Variants in CHRM3 observed in about 807,000 individuals in gnomAD.
CHRM3 encodes cholinergic receptor muscarinic 3, also known as muscarinic acetylcholine receptor M3.
CHRM3 carries 11 observed loss-of-function variants against 41.8 expected under a neutral mutation model. The ratio of observed to expected loss-of-function variants is 0.26; its 90% CI spans 0.17 to 0.44. The LOEUF is 0.44. CHRM3 is among the 20% of genes least tolerant of loss of function. The pLI is 1.00. For synonymous variants in CHRM3, 297 were observed against 301.4 expected, an observed-to-expected ratio of 0.99 and a Z score of 0.15; for missense variants, 571 against 745.4, an observed-to-expected ratio of 0.77 and a Z score of 2.72.
chr1:239,408,628 T>C (rs1660828710), intron 1 of CHRM3, among the ~76,000 whole-genome samples: 1 of 152,006 alleles, frequency 6.6e-6, no homozygotes. Flanking sequence ...AAGACTATGT[T>C]GGCCCAGGAT....
At chr1:239,682,320 G>A (rs1456001315) in intron 5 of CHRM3, among the ~76,000 whole-genome samples, 1 of 152,150 alleles carries the variant, frequency 6.6e-6, no homozygotes, top group Non-Finnish European at 1.5e-5. Flanking sequence ...TTCAGGCAGC[G>A]ATATCCCTTA....
At chr1:239,504,174 A>G (rs1356382984) in intron 2 of CHRM3, among the ~76,000 whole-genome samples, 2 of 152,170 alleles carry the variant, frequency 1.3e-5, no homozygotes, top group Non-Finnish European at 2.9e-5. Flanking sequence ...CAAAGGACTA[A>G]TATCCAGAAT....
intron 1 of CHRM3, among the ~76,000 whole-genome samples, chr1:239,434,765 T>G (rs1451995528): frequency 6.6e-6 from 1 of 151,484 alleles, no homozygotes; most frequent in Non-Finnish European, 1.5e-5. Flanking sequence ...GAGAGAGAGA[T>G]AGAGAGGGAG....
intron 6 of CHRM3, among the ~76,000 whole-genome samples, chr1:239,834,310 C>CT (rs71168857): frequency 0.13 from 15,874 of 118,336 alleles, 1,633 homozygotes; most frequent in African/African-American, 0.2. Flanking sequence ...AACTTAATGC[C>CT]TTTTTTTTTT....
At chr1:239,887,828 C>A (rs952271241) in intron 6 of CHRM3, among the ~76,000 whole-genome samples, 1 of 151,858 alleles carries the variant, frequency 6.6e-6, no homozygotes, top group South Asian at 2.1e-4. Flanking sequence ...TTCAAGGGAC[C>A]CCCGAGGGAT....
intron 5 of CHRM3, among the ~76,000 whole-genome samples, chr1:239,797,397 A>G (rs185964848): frequency 6.7e-6 from 1 of 148,802 alleles, no homozygotes; most frequent in Non-Finnish European, 1.5e-5. Flanking sequence ...TAAAAGGGAT[A>G]CTCATTCTTT....
At chr1:239,667,764 T>G (rs568367318) in intron 4 of CHRM3, among the ~76,000 whole-genome samples, 1 of 152,218 alleles carries the variant, frequency 6.6e-6, no homozygotes, top group African/African-American at 2.4e-5. Flanking sequence ...ATCTTGAAAG[T>G]TTTCCTGTCA....
At chr1:239,878,556 A>T (rs1392822155) in intron 6 of CHRM3, among the ~76,000 whole-genome samples, 1 of 151,958 alleles carries the variant, frequency 6.6e-6, no homozygotes, top group East Asian at 1.9e-4. Flanking sequence ...TGCATCTTGG[A>T]GATCCCGGCT....
chr1:239,864,688 A>G (rs940181165), intron 6 of CHRM3, among the ~76,000 whole-genome samples: 12 of 152,126 alleles, frequency 7.9e-5, no homozygotes, highest in African/African-American at 2.7e-4. Context: ...GACAACTACT[A>G]TCCTCATTAT....
chr1:239,618,786 G>C (rs1384295768), intron 3 of CHRM3, among the ~76,000 whole-genome samples: 1 of 144,560 alleles, frequency 6.9e-6, no homozygotes, highest in South Asian at 2.3e-4. Context: ...GGAGCTTGCA[G>C]TGAGCCGAGA....
chr1:239,887,002 T>C (rs909929042), intron 6 of CHRM3, among the ~76,000 whole-genome samples: 6 of 152,206 alleles, frequency 3.9e-5, no homozygotes, highest in African/African-American at 1.2e-4. Flanking sequence ...GATTTGTCTC[T>C]TTGTCTTCCT....
At chr1:239,743,781 T>C (rs1665080820) in intron 5 of CHRM3, among the ~76,000 whole-genome samples, 1 of 142,606 alleles carries the variant, frequency 7.0e-6, no homozygotes, top group East Asian at 2.0e-4. Flanking sequence ...CTTTTTCTTT[T>C]TTTTTTCTTT....
At chr1:239,643,172 C>G (rs1345530746) in intron 4 of CHRM3, among the ~76,000 whole-genome samples, 2 of 152,230 alleles carry the variant, frequency 1.3e-5, no homozygotes, top group South Asian at 2.1e-4. Flanking sequence ...TCAGTCTGCC[C>G]CTACTGGGGG....
intron 1 of CHRM3, among the ~76,000 whole-genome samples, chr1:239,395,503 A>C (rs1659402845): frequency 6.6e-6 from 1 of 152,156 alleles, no homozygotes; most frequent in South Asian, 2.1e-4. Context: ...AATTCTAATG[A>C]TTCAACCAAG....
At chr1:239,642,658 T>C (rs1671304096) in intron 4 of CHRM3, among the ~76,000 whole-genome samples, 1 of 152,158 alleles carries the variant, frequency 6.6e-6, no homozygotes, top group African/African-American at 2.4e-5. Flanking sequence ...ATTCTAGTTA[T>C]ACATTCTTCT....
intron 2 of CHRM3, among the ~76,000 whole-genome samples, chr1:239,513,591 C>T (rs1418651303): frequency 2.6e-5 from 4 of 152,150 alleles, no homozygotes; most frequent in Admixed American, 2.6e-4. Flanking sequence ...TTCTCTTTCT[C>T]TTGACAATAT....
chr1:239,694,460 AAC>A, intron 5 of CHRM3, among the ~76,000 whole-genome samples: 1 of 152,368 alleles, frequency 6.6e-6, no homozygotes, highest in East Asian at 1.9e-4. Flanking sequence ...AACAAGGCTT[AAC>A]GTTCCAAAAA....
chr1:239,589,690 C>A (rs148999825), intron 3 of CHRM3, among the ~76,000 whole-genome samples: 2,347 of 140,762 alleles, frequency 0.017, 27 homozygotes, highest in Admixed American at 0.022. Flanking sequence ...AATTTCCATG[C>A]ACTAATATGT....
chr1:239,698,711 T>C (rs1229699430), intron 5 of CHRM3, among the ~76,000 whole-genome samples: 1 of 152,148 alleles, frequency 6.6e-6, no homozygotes, highest in Non-Finnish European at 1.5e-5. Flanking sequence ...CCAGCTGCTG[T>C]CTTACTGCAG....
Sources: allele counts gnomAD v4.1 joint callset (sites outside exome capture counted in the v4.1 genomes callset), GRCh38; gene constraint gnomAD v4.1.1; transcripts MANE v1.5; gene names NCBI Gene and HGNC (gene_info 2026-07-23, HGNC 2026-07-21).